Variants in SSBP2 observed in about 807,000 individuals in gnomAD.
SSBP2 encodes the protein single stranded DNA binding protein 2.
Under a neutral mutation model 61.8 loss-of-function variants are expected in SSBP2, and 17 were observed. That is an observed-to-expected ratio of 0.28 (90% CI 0.19 to 0.41). SSBP2 has a LOEUF of 0.41. Ranked by LOEUF, SSBP2 falls within the 10% of genes least tolerant of loss-of-function variation. The pLI, the probability that SSBP2 is intolerant of heterozygous loss-of-function variation, is 1.00. For synonymous variants in SSBP2, 139 were observed against 141.3 expected (o/e 0.98, Z 0.12); for missense variants, 310 against 458.7 (o/e 0.68, Z 2.96).
At chr5:81,698,302 C>T (rs189320605) in intron 1 of SSBP2, among the ~76,000 whole-genome samples, 1 of 152,258 alleles carries the variant, frequency 6.6e-6, no homozygotes, top group African/African-American at 2.4e-5. Context: ...ATGTGTACTA[C>T]AAGGATTTAA....
At chr5:81,593,193 T>C (rs1743282392) in intron 4 of SSBP2, among the ~76,000 whole-genome samples, 1 of 151,940 alleles carries the variant, frequency 6.6e-6, no homozygotes, top group Non-Finnish European at 1.5e-5. Flanking sequence ...ACATGACAAA[T>C]GCAGAAGCCT....
rs1025317251 is a variant in SSBP2 at position 81,416,601 on chromosome 5, T to C, written c.*3903A>G. ...CTTTGCTATACATTCCTAGGGACAA[T>C]ATGATGAAGAAAAGATATAGACAGA... On this transcript the variant is annotated 3_prime_UTR_variant, in exon 17 of 17. Transcript: ENST00000320672. 1 of 152,156 alleles carries C rather than the reference T, an allele frequency of 6.6e-6. No individual in the cohort carries two copies. Among genetic ancestry groups the C allele is most frequent in the African/African-American group, 2.4e-5 (1 of 41,440 alleles). The allele number at this position is 152,156 out of a possible 1,614,324, so 9.4% of individuals were successfully genotyped here.
chr5:81,652,891 C>T (rs941107551), intron 1 of SSBP2, among the ~76,000 whole-genome samples: 1 of 151,650 alleles, frequency 6.6e-6, no homozygotes, highest in Non-Finnish European at 1.5e-5. Flanking sequence ...AGTCTTTTAT[C>T]CCTCACCCCC....
chr5:81,434,293 G>C (rs1379133206), intron 15 of SSBP2, among the ~76,000 whole-genome samples: 3 of 152,018 alleles, frequency 2.0e-5, no homozygotes, highest in Non-Finnish European at 4.4e-5. Context: ...TGATACTGGT[G>C]CTTGACAAAA....
intron 1 of SSBP2, among the ~76,000 whole-genome samples, chr5:81,739,068 A>C (rs1666818118): frequency 6.8e-6 from 1 of 146,662 alleles, no homozygotes; most frequent in African/African-American, 2.5e-5. Flanking sequence ...GGGAGGCTGA[A>C]GCAGGACAAT....
chr5:81,737,750 T>C (rs2154009105), intron 1 of SSBP2, among the ~76,000 whole-genome samples: 1 of 144,628 alleles, frequency 6.9e-6, no homozygotes, highest in Admixed American at 7.3e-5. Flanking sequence ...ATTGCTCCAC[T>C]GCACTCCAGC....
At position 81,548,704 on chromosome 5, in the gene SSBP2, C is replaced by T. The variant is rs867270230; in HGVS notation, c.283-34987G>A. Among the ~76,000 whole-genome samples, 16 of 152,068 alleles carry T rather than the reference C, an allele frequency of 1.1e-4. 1 individual carries two copies. The highest frequency in any genetic ancestry group is 2.6e-4 in the Admixed American group (4 of 15,264). ...TTGGGAGGCCGAGGCAGGTGGATCA[C>T]GAGGTCAGGAGATCAAGACCACCCT... On this transcript the variant is annotated intron_variant, in intron 4 of 16. Coordinates refer to ENST00000320672, the MANE Select transcript of SSBP2 (RefSeq NM_012446.5).
At chr5:81,439,570 C>T (rs1384510906) in intron 14 of SSBP2, among the ~76,000 whole-genome samples, 1 of 150,302 alleles carries the variant, frequency 6.7e-6, no homozygotes, top group Non-Finnish European at 1.5e-5. Flanking sequence ...GGAGCAATCT[C>T]GGCTCACTGC....
At chr5:81,470,537 A>G (rs180775540) in intron 8 of SSBP2, among the ~76,000 whole-genome samples, 54 of 151,928 alleles carry the variant, frequency 3.6e-4, no homozygotes, top group African/African-American at 1.2e-3. Context: ...ACTTTGCTCA[A>G]ATCAACATAA....
At chr5:81,735,466 T>G (rs1346395114) in intron 1 of SSBP2, among the ~76,000 whole-genome samples, 3 of 152,226 alleles carry the variant, frequency 2.0e-5, no homozygotes, top group African/African-American at 7.2e-5. Context: ...ATATAACCTA[T>G]GTACATCCTT....
intron 5 of SSBP2, among the ~76,000 whole-genome samples, chr5:81,490,314 A>G (rs1766761062): frequency 6.6e-6 from 1 of 151,954 alleles, no homozygotes; most frequent in Non-Finnish European, 1.5e-5. Context: ...AGGCACCAAA[A>G]TTTTATAAGT....
chr5:81,542,292 A>C (rs1434792303), intron 4 of SSBP2, among the ~76,000 whole-genome samples: 3 of 152,192 alleles, frequency 2.0e-5, no homozygotes, highest in Non-Finnish European at 4.4e-5. Context: ...GCTGTGAAGA[A>C]AAGTGTTATA....
intron 1 of SSBP2, among the ~76,000 whole-genome samples, chr5:81,656,054 A>G (rs1364192012): frequency 2.6e-5 from 4 of 151,818 alleles, no homozygotes; most frequent in Admixed American, 2.6e-4. Context: ...AAGATATATA[A>G]TTTTTTTTAT....
chr5:81,482,912 A>T (rs1355874176), intron 6 of SSBP2, among the ~76,000 whole-genome samples: 1 of 152,198 alleles, frequency 6.6e-6, no homozygotes, highest in Non-Finnish European at 1.5e-5. Flanking sequence ...CTTCTGATTT[A>T]AAGTGAGCGA....
chr5:81,742,385 G>T (rs767329556), intron 1 of SSBP2, among the ~76,000 whole-genome samples: 2 of 152,156 alleles, frequency 1.3e-5, no homozygotes, highest in Non-Finnish European at 2.9e-5. Context: ...GTATTGGGGA[G>T]AAAATCAGCT....
chr5:81,527,881 T>A (rs572924239), intron 4 of SSBP2, among the ~76,000 whole-genome samples: 2 of 149,660 alleles, frequency 1.3e-5, no homozygotes, highest in African/African-American at 5.0e-5. Context: ...TCTACGTATG[T>A]ATCCCAGAAC....
chr5:81,567,076 G>A (rs1003897175), intron 4 of SSBP2, among the ~76,000 whole-genome samples: 11 of 152,222 alleles, frequency 7.2e-5, no homozygotes, highest in Non-Finnish European at 1.0e-4. Context: ...CCCATTTTCT[G>A]AGGAGAAATT....
intron 4 of SSBP2, among the ~76,000 whole-genome samples, chr5:81,546,156 A>T (rs1050668366): frequency 6.6e-6 from 1 of 152,212 alleles, no homozygotes; most frequent in Non-Finnish European, 1.5e-5. Context: ...ATCTCATTTA[A>T]TCATTATAAT....
chr5:81,432,732 C>G (rs374721194), intron 15 of SSBP2, among the ~76,000 whole-genome samples: 1 of 152,076 alleles, frequency 6.6e-6, no homozygotes, highest in African/African-American at 2.4e-5. Flanking sequence ...GGCGACAGAG[C>G]GAGACTCTGA....
Sources: allele counts gnomAD v4.1 joint callset (sites outside exome capture counted in the v4.1 genomes callset), GRCh38; gene constraint gnomAD v4.1.1; transcripts MANE v1.5; gene names NCBI Gene and HGNC (gene_info 2026-07-23, HGNC 2026-07-21).